Variants in CRYBG1 observed in about 807,000 individuals in gnomAD.
The protein encoded by CRYBG1 is crystallin beta-gamma domain containing 1.
In CRYBG1, 139 loss-of-function variants were observed where a neutral mutation model predicts 189.2. The ratio of observed to expected loss-of-function variants is 0.73; its 90% CI spans 0.64 to 0.85. CRYBG1 has a LOEUF of 0.85. CRYBG1 is among the 40% of genes least tolerant of loss of function. The probability of loss-of-function intolerance (pLI) is 0.00; values close to 1 mark genes in which losing one functional copy is unlikely to be tolerated. For synonymous variants in CRYBG1, 1,023 were observed against 1,017.1 expected (o/e 1.01, Z -0.11); for missense variants, 2,611 against 2,675.8 (o/e 0.98, Z 0.53).
intron 2 of CRYBG1, among the ~76,000 whole-genome samples, chr6:106,510,286 C>A (rs1773219283): frequency 6.6e-6 from 1 of 152,234 alleles, no homozygotes; most frequent in African/African-American, 2.4e-5. Context: ...CCCCGCTTTC[C>A]CAGGCTCGCC....
intron 1 of CRYBG1, among the ~76,000 whole-genome samples, chr6:106,411,861 A>G (rs978769828): frequency 4.6e-5 from 7 of 152,218 alleles, no homozygotes; most frequent in African/African-American, 7.2e-5. Flanking sequence ...GTCCAAGGGC[A>G]GGAGGAGAGG....
intron 1 of CRYBG1, among the ~76,000 whole-genome samples, chr6:106,440,269 T>TCTCTCTCTCTCTC (rs894820555): frequency 1.9e-5 from 1 of 53,670 alleles, no homozygotes; most frequent in Non-Finnish European, 4.4e-5. Context: ...TCTCTCTCTC[T>TCTCTCTCTCTCTC]TTTTTTTTCT....
chr6:106,375,409 G>GTAAATAAA (rs1491365105), intron 1 of CRYBG1, among the ~76,000 whole-genome samples: 3 of 139,274 alleles, frequency 2.2e-5, no homozygotes, highest in East Asian at 2.3e-4. Flanking sequence ...AAGTAAGTAA[G>GTAAATAAA]TAAGTAAGTA....
At position 106,378,127 on chromosome 6, in the gene CRYBG1, T is replaced by TC. The variant is rs1387839819; in HGVS notation, c.173+17049dup. ...GGGGAGCCCTGTCACCCCCCGGTCA[T>TC]CCCTCACACAGCTCTCACCACTTCT... is the stretch of plus-strand genomic sequence containing the variant. On this transcript the variant is annotated intron_variant, in intron 1 of 21. Coordinates refer to ENST00000633556, the MANE Select transcript of CRYBG1 (RefSeq NM_001371242.2). Among the ~76,000 whole-genome samples the TC allele has an allele frequency of 2.6e-5, 4 of 152,250 alleles. No individual in the cohort carries two copies. The East Asian group carries it at 5.8e-4, about 22-fold the overall frequency.
At chr6:106,371,642 T>C (rs1379884618) in intron 1 of CRYBG1, among the ~76,000 whole-genome samples, 2 of 152,220 alleles carry the variant, frequency 1.3e-5, no homozygotes, top group African/African-American at 4.8e-5. Flanking sequence ...GGAACATACG[T>C]AGGGTTTGAA....
chr6:106,485,090 C>A (rs1243686933), intron 2 of CRYBG1, among the ~76,000 whole-genome samples: 1 of 152,120 alleles, frequency 6.6e-6, no homozygotes, highest in African/African-American at 2.4e-5. Flanking sequence ...GGGTAGTATG[C>A]CCATTTTAAC....
chr6:106,454,182 T>C (rs1282823894), intron 2 of CRYBG1, among the ~76,000 whole-genome samples: 5 of 152,144 alleles, frequency 3.3e-5, no homozygotes, highest in Non-Finnish European at 7.4e-5. Flanking sequence ...CTTGCTCTCT[T>C]AGGCCCTGGC....
At chr6:106,501,063 A>C (rs1425919898) in intron 2 of CRYBG1, among the ~76,000 whole-genome samples, 24 of 152,272 alleles carry the variant, frequency 1.6e-4, no homozygotes, top group Admixed American at 1.6e-3. Context: ...ATTGGTACCA[A>C]GCATTGATGA....
chr6:106,544,612 A>G lies in CRYBG1; in HGVS notation c.5081A>G (p.Tyr1694Cys). Residue 1694 changes from tyrosine to cysteine, a missense_variant, in exon 12 of 22, where the codon TAT becomes TGT. Physicochemically the swap from Tyr to Cys is radical, Grantham distance 194. Transcript: ENST00000633556. ...AAACCTGGATTTACCGGTCATCAGT[A>G]TTTGCTAGAAGAAGGAGAATACAGG... ...YEKPGFTGHQ[Y>C]LLEEGEYRDW... is the part of the protein sequence containing the mutation. The G allele has an allele frequency of 1.2e-6, 2 of 1,614,008 alleles. No homozygotes were observed. The highest frequency in any genetic ancestry group is 2.2e-5 in the South Asian group (2 of 91,072).
chr6:106,452,739 C>T (rs1267482902), intron 2 of CRYBG1, among the ~76,000 whole-genome samples: 2 of 152,020 alleles, frequency 1.3e-5, no homozygotes, highest in Non-Finnish European at 2.9e-5. Context: ...AAAGTTTTCT[C>T]CAAGGTGGGA....
chr6:106,485,995 C>T (rs1028576412), intron 2 of CRYBG1, among the ~76,000 whole-genome samples: 1 of 151,978 alleles, frequency 6.6e-6, no homozygotes, highest in Non-Finnish European at 1.5e-5. Flanking sequence ...CTTTCTTCTA[C>T]CAATTTTGGG....
At chr6:106,521,844 T>C (rs1045379541) in intron 4 of CRYBG1, among the ~76,000 whole-genome samples, 1 of 148,954 alleles carries the variant, frequency 6.7e-6, no homozygotes, top group African/African-American at 2.5e-5. Context: ...TCGGCTTCCC[T>C]AGTAGCAGGG....
chr6:106,508,501 A>C (rs1328272424), intron 2 of CRYBG1, among the ~76,000 whole-genome samples: 1 of 152,010 alleles, frequency 6.6e-6, no homozygotes, highest in Non-Finnish European at 1.5e-5. Flanking sequence ...CACTGACCCC[A>C]CCCTCAGGCA....
At chr6:106,515,055 A>G (rs1343446055) in intron 3 of CRYBG1, among the ~76,000 whole-genome samples, 2 of 152,242 alleles carry the variant, frequency 1.3e-5, no homozygotes, top group Admixed American at 1.3e-4. Context: ...GAAGAGTAAG[A>G]AAAACTATTT....
intron 1 of CRYBG1, among the ~76,000 whole-genome samples, chr6:106,376,769 G>A (rs1770171491): frequency 6.6e-6 from 1 of 152,156 alleles, no homozygotes; most frequent in African/African-American, 2.4e-5. Flanking sequence ...CTCTTTGTGT[G>A]TACCATCGGT....
rs775150386 is a variant in CRYBG1 at position 106,521,269 on chromosome 6, C to T, written c.4061C>T (p.Thr1354Ile). The T allele has an allele frequency of 6.8e-6, 11 of 1,613,718 alleles. No homozygotes were observed. Among genetic ancestry groups the T allele is most frequent in the African/African-American group, 1.3e-5 (1 of 74,874 alleles). Reference protein sequence around the residue: ...DSRSNLHLPETKFSELSKLKN... With the variant: ...DSRSNLHLPEIKFSELSKLKN... ...CGAAGCAACCTACACTTGCCAGAAA[C>T]TAAATTTTCTGAATTGTCAAAACTG... Residue 1354 changes from threonine to isoleucine, a missense_variant, in exon 4 of 22, where the codon ACT becomes ATT. By Grantham distance (89) the Thr-to-Ile change is moderately conservative. Transcript: ENST00000633556.
chr6:106,432,857 T>TTTC (rs1771359529), intron 1 of CRYBG1, among the ~76,000 whole-genome samples: 1 of 150,094 alleles, frequency 6.7e-6, no homozygotes, highest in Non-Finnish European at 1.5e-5. Context: ...TTTTTTTTTT[T>TTTC]GAGACAGAGT....
At chr6:106,515,328 T>G (rs1401456223) in intron 3 of CRYBG1, among the ~76,000 whole-genome samples, 1 of 152,244 alleles carries the variant, frequency 6.6e-6, no homozygotes, top group African/African-American at 2.4e-5. Context: ...GTAGTAACTC[T>G]TGGTAGCACA....
Position 106,422,344 on chromosome 6 carries a change from A to ATTTATTTATTTAT in CRYBG1, c.174-29347_174-29346insATTTATTTATTTT, listed in dbSNP as rs57640822. Among the ~76,000 whole-genome samples, 893 of 139,944 alleles carry ATTTATTTATTTAT rather than the reference A, an allele frequency of 6.4e-3. 10 individuals carry two copies. The highest frequency in any genetic ancestry group is 0.021 in the African/African-American group (786 of 37,756). The allele number at this position is 139,944 out of a possible 152,430, so 91.8% of individuals were successfully genotyped here. A position where few individuals can be genotyped will look rare whatever the true frequency, so the allele number is the denominator to read the frequency against. On this transcript the variant is annotated intron_variant, in intron 1 of 21. Coordinates refer to ENST00000633556, the MANE Select transcript of CRYBG1 (RefSeq NM_001371242.2). ...TTGTTATTTATTTATTTATTTATTT[A>ATTTATTTATTTAT]TTTTTGAGACATGGTCTCACTTGGT...
Sources: gnomAD v4.1 joint callset for allele counts (sites outside exome capture counted in the v4.1 genomes callset) on GRCh38, gnomAD v4.1.1 for gene constraint, MANE v1.5 for transcripts, NCBI Gene and HGNC (gene_info 2026-07-23, HGNC 2026-07-21) for gene names.